SGIP1: variants seen among roughly 807,000 people sequenced by gnomAD.
SGIP1 encodes the protein SH3-containing GRB2-like protein 3-interacting protein 1.
In SGIP1, 38 loss-of-function variants were observed where a neutral mutation model predicts 107.5. That is an observed-to-expected ratio of 0.35 (90% CI 0.27 to 0.46). The LOEUF is 0.46. Among genes scored for constraint, SGIP1 ranks in the 20% least tolerant of loss-of-function variants. The probability of loss-of-function intolerance (pLI) is 1.00; values close to 1 mark genes in which losing one functional copy is unlikely to be tolerated. For missense variants in SGIP1, 929 were observed against 1,019.5 expected, an observed-to-expected ratio of 0.91 and a Z score of 1.21; for synonymous variants, 365 against 366.1, an observed-to-expected ratio of 1.00 and a Z score of 0.03.
chr1:66,691,976 T>C (rs567874829), intron 17 of SGIP1, among the ~76,000 whole-genome samples: 1 of 151,912 alleles, frequency 6.6e-6, no homozygotes, highest in Non-Finnish European at 1.5e-5. Flanking sequence ...CTGGCCAACA[T>C]AGTGAAACCC....
At chr1:66,660,555 C>A (rs1447263661) in intron 8 of SGIP1, 31 bp downstream of exon 8, 1 of 1,591,490 alleles carries the variant, frequency 6.3e-7, no homozygotes, top group South Asian at 1.1e-5. Context: ...GCTTTTGGGG[C>A]AAACATTATT....
chr1:66,694,988 A>C, intron 17 of SGIP1: 1 of 266,298 alleles, frequency 3.8e-6, no homozygotes, highest in Non-Finnish European at 6.9e-6. Context: ...TTGTCATTTA[A>C]AACCTAAGCT....
intron 20 of SGIP1, among the ~76,000 whole-genome samples, chr1:66,730,150 T>C (rs572608920): frequency 2.0e-5 from 3 of 152,304 alleles, no homozygotes; most frequent in African/African-American, 4.8e-5. Context: ...CATGTGCATA[T>C]GCATAATAAA....
rs1392214581 is a variant in SGIP1 at position 66,748,783 on chromosome 1, T to C, written c.*5688T>C. Among the ~76,000 whole-genome samples, 1 of 152,040 alleles carries C rather than the reference T, an allele frequency of 6.6e-6. No individual in the cohort carries two copies. The highest frequency in any genetic ancestry group is 1.5e-5 in the Non-Finnish European group (1 of 67,878). The stretch of plus-strand genomic sequence containing the variant: ...TTTACAAATTGTGTTCTGGAAGATG[T>C]TCATTGTGGTCTGAGAACAAATGGT... On this transcript the variant is annotated 3_prime_UTR_variant, in exon 25 of 25. Transcript: ENST00000371037.
intron 18 of SGIP1, among the ~76,000 whole-genome samples, chr1:66,710,743 A>T (rs1310926031): frequency 6.6e-6 from 1 of 152,192 alleles, no homozygotes; most frequent in Non-Finnish European, 1.5e-5. Context: ...GATTCCATGA[A>T]GTCAGTGAAA....
chr1:66,694,658 A>C, intron 17 of SGIP1: 1 of 468,994 alleles, frequency 2.1e-6, no homozygotes. Context: ...TCATCATGGA[A>C]CTCGTGCCAC....
At chr1:66,557,014 A>G (rs2058280630) in intron 1 of SGIP1, among the ~76,000 whole-genome samples, 1 of 152,094 alleles carries the variant, frequency 6.6e-6, no homozygotes, top group Non-Finnish European at 1.5e-5. Flanking sequence ...TATTTGTACA[A>G]TGCGCTTTAG....
rs746516215 is a variant in SGIP1, at chr1:66,635,955, A to C, written c.111A>C (p.Pro37=). ...ACAATCAATTCCAGCAGCCCAGCCC[A>C]CACGAACCACCCTACAATAGCAAAG... ...SPDRDGIQPS[P]HEPPYNSKAE... is the part of the protein sequence containing the mutation. The change falls in exon 4 of 25, where the codon CCA becomes CCC. Residue 37 remains proline, a synonymous_variant. Coordinates refer to ENST00000371037, the MANE Select transcript of SGIP1 (RefSeq NM_032291.4). 6.2e-7 allele frequency: 1 copy of C among 1,613,922 alleles called. No individual in the cohort carries two copies. The highest frequency in any genetic ancestry group is 1.1e-5 in the South Asian group (1 of 91,054).
At chr1:66,642,517 A>T (rs1354297817) in intron 5 of SGIP1, among the ~76,000 whole-genome samples, 1 of 152,116 alleles carries the variant, frequency 6.6e-6, no homozygotes, top group Non-Finnish European at 1.5e-5. Context: ...CTTATCACCC[A>T]TGTTGCTTAG....
chr1:66,541,066 A>T (rs1291756977), intron 1 of SGIP1, among the ~76,000 whole-genome samples: 2 of 152,116 alleles, frequency 1.3e-5, no homozygotes, highest in South Asian at 4.1e-4. Flanking sequence ...TATTAGTTTA[A>T]TTTTTCTCTA....
intron 18 of SGIP1, among the ~76,000 whole-genome samples, chr1:66,706,679 A>C (rs911435774): frequency 6.6e-6 from 1 of 151,936 alleles, no homozygotes; most frequent in Admixed American, 6.6e-5. Context: ...AAACTTGGAA[A>C]AACAGAAAGG....
At chr1:66,607,298 T>C (rs1165981412) in intron 1 of SGIP1, among the ~76,000 whole-genome samples, 1 of 152,246 alleles carries the variant, frequency 6.6e-6, no homozygotes, top group African/African-American at 2.4e-5. Flanking sequence ...CTTGGAGTTT[T>C]ATCACCCACA....
Position 66,682,159 on chromosome 1 carries a change from A to C in SGIP1, c.1105A>C (p.Asn369His). 6.2e-7 allele frequency: 1 copy of C among 1,614,166 alleles called. No individual in the cohort carries two copies. The highest frequency in any genetic ancestry group is 8.5e-7 in the Non-Finnish European group (1 of 1,180,032). The part of the protein sequence containing the change: ...GPPGPPGPPR[N>H]VLSPLNLEEV... Reference sequence around the variant, plus strand: ...CCCAGGGCCTCCTGGGCCTCCTCGCAATGTACTATCGCCGCTCAATTTAGA... The same window carrying C: ...CCCAGGGCCTCCTGGGCCTCCTCGCCATGTACTATCGCCGCTCAATTTAGA... Residue 369 changes from asparagine to histidine, a missense_variant, in exon 15 of 25, where the codon AAT (asparagine) becomes CAT (histidine). By Grantham distance (68) the Asn-to-His change is moderately conservative (BLOSUM62 1). Transcript: ENST00000371037.
At chr1:66,545,537 TG>T (rs2056175634) in intron 1 of SGIP1, among the ~76,000 whole-genome samples, 1 of 152,082 alleles carries the variant, frequency 6.6e-6, no homozygotes, top group South Asian at 2.1e-4. Context: ...GTCTTTCTCA[TG>T]GGTAATTTAA....
chr1:66,610,971 G>A (rs2067879983), intron 1 of SGIP1, among the ~76,000 whole-genome samples: 1 of 151,936 alleles, frequency 6.6e-6, no homozygotes, highest in Admixed American at 6.6e-5. Context: ...AATGGACTTT[G>A]GAAACTCGGT....
chr1:66,547,237 T>A (rs1386973672), intron 1 of SGIP1, among the ~76,000 whole-genome samples: 1 of 152,146 alleles, frequency 6.6e-6, no homozygotes, highest in African/African-American at 2.4e-5. Flanking sequence ...CATTTTTGGA[T>A]ACCAGAAGAT....
chr1:66,697,798 C>T (rs2091210821), intron 18 of SGIP1, among the ~76,000 whole-genome samples: 1 of 152,062 alleles, frequency 6.6e-6, no homozygotes, highest in African/African-American at 2.4e-5. Flanking sequence ...TAATTTACCT[C>T]GAGAGTAGTG....
chr1:66,539,483 G>A (rs1263182066), intron 1 of SGIP1, among the ~76,000 whole-genome samples: 1 of 152,164 alleles, frequency 6.6e-6, no homozygotes, highest in Non-Finnish European at 1.5e-5. Flanking sequence ...ATATTAGAAA[G>A]ATATTAGGCA....
chr1:66,614,058 G>A (rs9787184), intron 1 of SGIP1, among the ~76,000 whole-genome samples: 22,404 of 152,154 alleles, frequency 0.15, 2,176 homozygotes, highest in East Asian at 0.46. Context: ...TACCAGTGAT[G>A]AGAAAAATTA....
Sources: allele counts gnomAD v4.1 joint callset (sites outside exome capture counted in the v4.1 genomes callset), GRCh38; gene constraint gnomAD v4.1.1; transcripts MANE v1.5; gene names NCBI Gene and HGNC (gene_info 2026-07-23, HGNC 2026-07-21).